CNOT6L: variants seen among roughly 807,000 people sequenced by gnomAD.
The protein encoded by CNOT6L is CCR4-NOT transcription complex subunit 6 like.
A neutral mutation model predicts 64.0 loss-of-function variants in CNOT6L; 7 were observed. That is an observed-to-expected ratio of 0.11 (90% confidence interval 0.06 to 0.21). The LOEUF (loss-of-function observed/expected upper bound fraction) is 0.21, where lower values mean the gene tolerates loss of function less well. CNOT6L is among the 10% of genes least tolerant of loss of function. The pLI is 1.00. For synonymous variants in CNOT6L, 193 were observed against 243.4 expected, an observed-to-expected ratio of 0.79 and a Z score of 1.93; for missense variants, 245 against 669.0, an observed-to-expected ratio of 0.37 and a Z score of 6.99.
At position 77,726,382 on chromosome 4, in the gene CNOT6L, A is replaced by G; in HGVS notation, c.1253-13T>C. 6.3e-7 allele frequency: 1 copy of G among 1,594,834 alleles called. No homozygotes were observed. Among genetic ancestry groups the G allele is most frequent in the Non-Finnish European group, 8.6e-7 (1 of 1,164,924 alleles). ...TATTCCACAACACCTGGTAGAATAA[A>G]GAAGAGACACTTCCATTTAGCATTT... On this transcript the variant is annotated splice_polypyrimidine_tract_variant and intron_variant, in intron 10 of 11. Transcript: ENST00000504123.
intron 1 of CNOT6L, among the ~76,000 whole-genome samples, chr4:77,799,702 C>T (rs1339043310): frequency 3.2e-4 from 22 of 69,348 alleles, no homozygotes; most frequent in African/African-American, 1.2e-3. Flanking sequence ...GAAACTCCAT[C>T]TCAAAAAAAA....
intron 4 of CNOT6L, among the ~76,000 whole-genome samples, chr4:77,766,173 C>A (rs2110032327): frequency 6.6e-6 from 1 of 151,906 alleles, no homozygotes; most frequent in Non-Finnish European, 1.5e-5. Context: ...CTCAGCAATG[C>A]AAATTTGTTT....
intron 7 of CNOT6L, among the ~76,000 whole-genome samples, chr4:77,744,210 CA>C (rs1318295646): frequency 1.3e-5 from 2 of 151,974 alleles, no homozygotes; most frequent in East Asian, 3.9e-4. Flanking sequence ...CAGTAAAGTT[CA>C]ATTTATAAAG....
intron 4 of CNOT6L, among the ~76,000 whole-genome samples, chr4:77,764,435 T>G (rs1427815053): frequency 1.3e-5 from 2 of 152,128 alleles, no homozygotes; most frequent in Non-Finnish European, 2.9e-5. Flanking sequence ...CCAACAAAAT[T>G]GACTCATTAA....
chr4:77,727,700 C>A (rs1176753340), intron 10 of CNOT6L, among the ~76,000 whole-genome samples: 1 of 151,830 alleles, frequency 6.6e-6, no homozygotes, highest in Non-Finnish European at 1.5e-5. Context: ...TGTTGTGTTG[C>A]CAAATGACAA....
At chr4:77,818,149 G>A (rs1206716028) in intron 1 of CNOT6L, among the ~76,000 whole-genome samples, 2 of 152,178 alleles carry the variant, frequency 1.3e-5, no homozygotes, top group Non-Finnish European at 2.9e-5. Flanking sequence ...GATAACTAGA[G>A]GCAATACGGT....
In CNOT6L at chr4:77,791,944, G is replaced by A. The variant is rs542578757; in HGVS notation, c.6-15552C>T. Among the ~76,000 whole-genome samples the A allele has an allele frequency of 5.9e-5, 9 of 152,112 alleles. No individual in the cohort carries two copies. The East Asian group carries it at 1.3e-3, about 23-fold the overall frequency. On this transcript the variant is annotated intron_variant, in intron 1 of 11. Transcript: ENST00000504123. ...GAAGCATAAATATATTCAAAAGCAT[G>A]TTTAAAAACAAGGATACTTTACACT...
rs138782376 is a variant in CNOT6L, at chr4:77,739,897, T to A, written c.872+2244A>T. Among the ~76,000 whole-genome samples, 153 of 152,288 alleles carry A rather than the reference T, an allele frequency of 1.0e-3. 1 individual carries two copies. Among genetic ancestry groups the A allele is most frequent in the African/African-American group, 3.4e-3 (143 of 41,572 alleles). On this transcript the variant is annotated intron_variant, in intron 8 of 11. Coordinates refer to ENST00000504123, the MANE Select transcript of CNOT6L (RefSeq NM_144571.3). ...AAAGCCTTAACTACTTCTAGTAAAT[T>A]GTTAAGGAATTTTAGATTTTTCCTC...
chr4:77,799,974 C>A (rs1216239452), intron 1 of CNOT6L, among the ~76,000 whole-genome samples: 2 of 151,850 alleles, frequency 1.3e-5, no homozygotes, highest in Non-Finnish European at 2.9e-5. Flanking sequence ...TAGTACATGG[C>A]AAATCCAAGA....
At chr4:77,778,452 C>T (rs1728400179) in intron 1 of CNOT6L, among the ~76,000 whole-genome samples, 1 of 151,478 alleles carries the variant, frequency 6.6e-6, no homozygotes, top group African/African-American at 2.4e-5. Flanking sequence ...GGCTGGAGGG[C>T]AGTGGCGTGA....
chr4:77,800,387 T>C (rs2110140111), intron 1 of CNOT6L, among the ~76,000 whole-genome samples: 1 of 151,924 alleles, frequency 6.6e-6, no homozygotes, highest in South Asian at 2.1e-4. Flanking sequence ...AGCATGTGAC[T>C]GTGAGTGAGC....
At chr4:77,769,276 G>A (rs1225738969) in intron 4 of CNOT6L, among the ~76,000 whole-genome samples, 3 of 152,118 alleles carry the variant, frequency 2.0e-5, no homozygotes, top group African/African-American at 7.2e-5. Context: ...CTGGGAGAAA[G>A]ACATAATCGT....
chr4:77,755,564 T>A (rs1351357454), intron 5 of CNOT6L, among the ~76,000 whole-genome samples: 2 of 152,210 alleles, frequency 1.3e-5, no homozygotes, highest in East Asian at 3.9e-4. Flanking sequence ...ATGCTATGTA[T>A]ACAGCTTCAT....
At chr4:77,788,338 G>A (rs762757873) in intron 1 of CNOT6L, among the ~76,000 whole-genome samples, 28 of 152,132 alleles carry the variant, frequency 1.8e-4, no homozygotes, top group Non-Finnish European at 3.5e-4. Flanking sequence ...AGTAAAATAC[G>A]GAAGATATGT....
intron 1 of CNOT6L, among the ~76,000 whole-genome samples, chr4:77,799,991 T>C (rs1731331659): frequency 6.6e-6 from 1 of 152,068 alleles, no homozygotes; most frequent in Non-Finnish European, 1.5e-5. Flanking sequence ...AAGAATTGAG[T>C]ATTTTTTCAC....
rs187979421 is a variant in CNOT6L at position 77,770,031 on chromosome 4, C to A, written c.400+3050G>T. Among the ~76,000 whole-genome samples, 14 of 152,262 alleles carry A rather than the reference C, an allele frequency of 9.2e-5. No homozygotes were observed. In the East Asian group the frequency reaches 2.5e-3, roughly 27 times the overall value. On this transcript the variant is annotated intron_variant, in intron 4 of 11. Transcript: ENST00000504123. ...ATAAAATTAATACATTTTTATTTTTCTAAGTGACTTCACAGAACACTTCCA... is the reference window on the plus strand; with the variant it reads ...ATAAAATTAATACATTTTTATTTTTATAAGTGACTTCACAGAACACTTCCA...
intron 4 of CNOT6L, among the ~76,000 whole-genome samples, chr4:77,760,435 T>C (rs538400507): frequency 1.3e-4 from 19 of 151,804 alleles, no homozygotes; most frequent in African/African-American, 4.6e-4. Flanking sequence ...CTATCAAAAT[T>C]TGTAGGATAT....
At chr4:77,727,949 A>G (rs1722053924) in intron 10 of CNOT6L, among the ~76,000 whole-genome samples, 1 of 152,166 alleles carries the variant, frequency 6.6e-6, no homozygotes, top group African/African-American at 2.4e-5. Flanking sequence ...TCTTATAGTA[A>G]CCTTATTGTT....
At chr4:77,785,953 G>A (rs1478278736) in intron 1 of CNOT6L, among the ~76,000 whole-genome samples, 1 of 152,114 alleles carries the variant, frequency 6.6e-6, no homozygotes, top group African/African-American at 2.4e-5. Flanking sequence ...GACAGACAAA[G>A]CGAAAATAAA....
Sources: allele counts gnomAD v4.1 joint callset (sites outside exome capture counted in the v4.1 genomes callset), GRCh38; gene constraint gnomAD v4.1.1; transcripts MANE v1.5; gene names NCBI Gene and HGNC (gene_info 2026-07-23, HGNC 2026-07-21).